The following HDAC3 variants were observed in gnomAD, a reference collection of about 807,000 sequenced individuals.
The protein encoded by HDAC3 is histone deacetylase 3, also known as SMAP45.
A neutral mutation model predicts 62.3 loss-of-function variants in HDAC3; 21 were observed. That is an observed-to-expected ratio of 0.34 (90% CI 0.24 to 0.49). HDAC3 has a LOEUF of 0.49. Among genes scored for constraint, HDAC3 ranks in the 20% least tolerant of loss-of-function variants. The pLI, the probability that HDAC3 is intolerant of heterozygous loss-of-function variation, is 0.99. For missense variants in HDAC3, 270 were observed against 556.9 expected, an observed-to-expected ratio of 0.48 and a Z score of 5.19; for synonymous variants, 198 against 206.5, an observed-to-expected ratio of 0.96 and a Z score of 0.35.
rs2099904874 is a variant in HDAC3 at position 141,629,238 on chromosome 5, T to C, written c.545A>G (p.Tyr182Cys). 1.9e-6 allele frequency: 3 copies of C among 1,614,058 alleles called. No individual in the cohort carries two copies. The highest frequency in any genetic ancestry group is 2.5e-6 in the Non-Finnish European group (3 of 1,179,996). Reference sequence around the variant, plus strand: ...CACCGTCATGACCCGGTCAGTGAGGTAGAAAGCTTCTTGAACCCCGTCACC... The same window carrying C: ...CACCGTCATGACCCGGTCAGTGAGGCAGAAAGCTTCTTGAACCCCGTCACC... ...HHGDGVQEAFYLTDRVMTVSF... is the reference protein window; with the variant it reads ...HHGDGVQEAFCLTDRVMTVSF... The change falls in exon 7 of 15, where the codon TAC becomes TGC. Residue 182 changes from tyrosine (Y) to cysteine (C), a missense_variant. This residue lies in a region of HDAC3 where 156 missense variants were observed against 383.9 expected (regional missense o/e 0.41). Coordinates refer to ENST00000305264, the MANE Select transcript of HDAC3 (RefSeq NM_003883.4). This position sits in a 1 kb window ranked among gnomAD's most constrained non-coding sequence, Gnocchi z 5.3.
chr5:141,634,186 G>C (rs1359395901), intron 3 of HDAC3, among the ~76,000 whole-genome samples: 1 of 151,940 alleles, frequency 6.6e-6, no homozygotes, highest in African/African-American at 2.4e-5. Context: ...AAGATCCCTT[G>C]CTTTTTAAAA....
At chr5:141,633,477 T>C (rs1158077455) in intron 3 of HDAC3, among the ~76,000 whole-genome samples, 1 of 152,134 alleles carries the variant, frequency 6.6e-6, no homozygotes, top group Non-Finnish European at 1.5e-5. Context: ...GGATATAACA[T>C]CTAGGATCTG....
intron 3 of HDAC3, among the ~76,000 whole-genome samples, chr5:141,630,491 T>A (rs1332914935): frequency 6.6e-6 from 1 of 152,216 alleles, no homozygotes; most frequent in Non-Finnish European, 1.5e-5. Context: ...TAGCATAATG[T>A]TCAATAATAT....
intron 14 of HDAC3, among the ~76,000 whole-genome samples, chr5:141,621,924 G>A (rs138978441): frequency 7.2e-5 from 11 of 152,284 alleles, no homozygotes; most frequent in Non-Finnish European, 1.3e-4. Flanking sequence ...CAGGACTATT[G>A]GGACATAAGA....
At chr5:141,630,247 A>C in intron 3 of HDAC3, 122 bp from the exon 4 acceptor site, 1 of 886,446 alleles carries the variant, frequency 1.1e-6, no homozygotes, top group Non-Finnish European at 1.8e-6. Flanking sequence ...CCTCTCCTAC[A>C]CACGTGGGCT....
chr5:141,628,398 C>T lies in HDAC3; in HGVS notation c.691+161G>A. On this transcript the variant is annotated intron_variant, in intron 8 of 14. Coordinates refer to ENST00000305264, the MANE Select transcript of HDAC3 (RefSeq NM_003883.4). The surrounding 1 kb of genome is among the most constrained non-coding windows in gnomAD (Gnocchi z 4.7). The stretch of plus-strand genomic sequence containing the variant: ...CTTTTCCCAGAAAAATGCACATACA[C>T]ATGATATGTTGCATACAATTTCCAG... The T allele has an allele frequency of 5.4e-6, 4 of 738,300 alleles. No homozygotes were observed. Among genetic ancestry groups the T allele is most frequent in the Non-Finnish European group, 9.4e-6 (4 of 423,642 alleles). The allele number at this position is 738,300 out of a possible 1,614,324, so 45.7% of individuals were successfully genotyped here.
chr5:141,628,377 T>G lies in HDAC3; in HGVS notation c.691+182A>C. On this transcript the variant is annotated intron_variant, in intron 8 of 14. Coordinates refer to ENST00000305264, the MANE Select transcript of HDAC3 (RefSeq NM_003883.4). This position sits in a 1 kb window ranked among gnomAD's most constrained non-coding sequence, Gnocchi z 4.7. ...GTGACTGATGAAAGCCAATGACTTT[T>G]CCCAGAAAAATGCACATACACATGA... 1 of 728,426 alleles carries G rather than the reference T, an allele frequency of 1.4e-6. No individual in the cohort carries two copies. Among genetic ancestry groups the G allele is most frequent in the East Asian group, 2.7e-5 (1 of 37,278 alleles). The allele number at this position is 728,426 out of a possible 1,614,324, so 45.1% of individuals were successfully genotyped here.
Position 141,626,293 on chromosome 5 carries a change from GGAA to G in HDAC3, c.831-13_831-11del. Reference sequence around the variant, plus strand: ...ATATTCAACGCATTCCCTGTTAAAAGGAACCAGAGGAAGATGTGGAGGAGGTTA... The same window carrying G: ...ATATTCAACGCATTCCCTGTTAAAAGCCAGAGGAAGATGTGGAGGAGGTTA... On this transcript the variant is annotated splice_polypyrimidine_tract_variant and intron_variant, in intron 10 of 14. Coordinates refer to ENST00000305264, the MANE Select transcript of HDAC3 (RefSeq NM_003883.4). The surrounding 1 kb of genome is among the most constrained non-coding windows in gnomAD (Gnocchi z 4.6). The G allele has an allele frequency of 6.2e-7, 1 of 1,607,900 alleles. No individual in the cohort carries two copies. The highest frequency in any genetic ancestry group is 8.5e-7 in the Non-Finnish European group (1 of 1,174,500).
chr5:141,635,144 C>T (rs1407344064), intron 2 of HDAC3, 191 bp from the exon 3 acceptor site: 1 of 544,346 alleles, frequency 1.8e-6, no homozygotes, highest in African/African-American at 1.9e-5. Context: ...CCCCTGAAGA[C>T]CACTTCTTTT....
intron 2 of HDAC3, 84 bp downstream of exon 2, chr5:141,636,464 T>C: frequency 7.9e-7 from 1 of 1,264,102 alleles, no homozygotes; most frequent in Non-Finnish European, 1.2e-6. Flanking sequence ...CGGGTCGCAC[T>C]TCATGCACTC....
At chr5:141,635,270 A>T in intron 2 of HDAC3, 1 of 235,880 alleles carries the variant, frequency 4.2e-6, no homozygotes, top group Non-Finnish European at 8.2e-6. Flanking sequence ...TCCTCCCCCA[A>T]GCTCTGATTC....
intron 10 of HDAC3, among the ~76,000 whole-genome samples, chr5:141,627,315 C>T (rs1056046474): frequency 2.0e-5 from 3 of 152,152 alleles, no homozygotes; most frequent in African/African-American, 4.8e-5. Flanking sequence ...TAGCCTCAGG[C>T]GATTCTCCCA....
chr5:141,624,059 A>AC (rs1562364603), intron 14 of HDAC3, among the ~76,000 whole-genome samples: 2 of 151,682 alleles, frequency 1.3e-5, no homozygotes, highest in African/African-American at 4.8e-5. Context: ...AAAAAAAAAA[A>AC]AAACATAACC....
chr5:141,624,448 T>C (rs1183412348), intron 14 of HDAC3, among the ~76,000 whole-genome samples: 20 of 125,376 alleles, frequency 1.6e-4, no homozygotes, highest in African/African-American at 5.9e-4. Flanking sequence ...TTCCAGCTAC[T>C]CGAGGGGCTG....
In HDAC3 at chr5:141,626,081, AC is replaced by A; in HGVS notation, c.921-11del. On this transcript the variant is annotated splice_polypyrimidine_tract_variant and intron_variant, in intron 11 of 14. Coordinates refer to ENST00000305264, the MANE Select transcript of HDAC3 (RefSeq NM_003883.4). This position sits in a 1 kb window ranked among gnomAD's most constrained non-coding sequence, Gnocchi z 4.6. ...CGATGTCTCATATGTCCTGAAACCA[AC>A]CAGCAGAGGGGAGCAGGCTGACCAA... 1 of 1,613,836 alleles carries A rather than the reference AC, an allele frequency of 6.2e-7. No individual in the cohort carries two copies. Among genetic ancestry groups the A allele is most frequent in the African/African-American group, 1.3e-5 (1 of 75,010 alleles).
Position 141,629,677 on chromosome 5 carries a change from T to C in HDAC3, c.476+7A>G, listed in dbSNP as rs2099904921. The stretch of plus-strand genomic sequence containing the variant: ...TAACTGCCCCCATCTCCTCCTGGGC[T>C]ACTTACTTGAGCAGCTCCAGGATGC... On this transcript the variant is annotated splice_region_variant and intron_variant, in intron 6 of 14. Transcript: ENST00000305264. The surrounding 1 kb of genome is among the most constrained non-coding windows in gnomAD (Gnocchi z 5.3). The C allele has an allele frequency of 1.9e-6, 3 of 1,613,770 alleles. No homozygotes were observed. In the East Asian group the frequency reaches 6.7e-5, roughly 36 times the overall value.
Position 141,629,998 on chromosome 5 carries a change from C to T in HDAC3, c.363+46G>A. On this transcript the variant is annotated intron_variant, in intron 4 of 14. Coordinates refer to ENST00000305264, the MANE Select transcript of HDAC3 (RefSeq NM_003883.4). The surrounding 1 kb of genome is among the most constrained non-coding windows in gnomAD (Gnocchi z 5.3). ...CCAGGATCAGGGTTAAATCCCGAGT[C>T]CAGGGATCCAGAGGAAAGGAAGAAC... The T allele has an allele frequency of 6.2e-7, 1 of 1,613,168 alleles. No individual in the cohort carries two copies. The highest frequency in any genetic ancestry group is 8.5e-7 in the Non-Finnish European group (1 of 1,179,084).
intron 14 of HDAC3, among the ~76,000 whole-genome samples, chr5:141,622,833 G>A (rs185339447): frequency 3.3e-5 from 5 of 152,166 alleles, no homozygotes; most frequent in Admixed American, 6.5e-5. Flanking sequence ...CTTAAGTCTC[G>A]CCGGGGGCGG....
In HDAC3 at chr5:141,628,719, G is replaced by A; in HGVS notation, c.611-80C>T. On this transcript the variant is annotated intron_variant, in intron 7 of 14. Coordinates refer to ENST00000305264, the MANE Select transcript of HDAC3 (RefSeq NM_003883.4). This position sits in a 1 kb window ranked among gnomAD's most constrained non-coding sequence, Gnocchi z 4.7. ...GTTTCAGCCCCAATCTGCACTCTGG[G>A]AGCCTCTCATTCCATCTATGTAGCT... The A allele has an allele frequency of 9.9e-7, 1 of 1,006,574 alleles. No homozygotes were observed. Among genetic ancestry groups the A allele is most frequent in the East Asian group, 2.4e-5 (1 of 41,888 alleles). The allele number at this position is 1,006,574 out of a possible 1,614,324, so 62.4% of individuals were successfully genotyped here.
Sources: gnomAD v4.1 joint callset for allele counts (sites outside exome capture counted in the v4.1 genomes callset) on GRCh38, gnomAD v4.1.1 for gene constraint, gnomAD v4.1.1 regional missense constraint, Gnocchi (gnomAD v3.1) non-coding constraint, MANE v1.5 for transcripts, NCBI Gene and HGNC (gene_info 2026-07-23, HGNC 2026-07-21) for gene names.